The following MIGA2 variants were observed in gnomAD, a reference collection of about 807,000 sequenced individuals.
MIGA2 encodes the protein family with sequence similarity 73, member B.
Under a neutral mutation model 69.9 loss-of-function variants are expected in MIGA2, and 36 were observed. That is an observed-to-expected ratio of 0.52 (90% confidence interval 0.39 to 0.68). MIGA2 has a LOEUF of 0.68. MIGA2 is among the 30% of genes least tolerant of loss of function. The pLI is 0.00. For synonymous variants in MIGA2, 333 were observed against 349.2 expected, an observed-to-expected ratio of 0.95 and a Z score of 0.52; for missense variants, 660 against 787.7, an observed-to-expected ratio of 0.84 and a Z score of 1.94.
Position 129,067,645 on chromosome 9 carries a change from A to C in MIGA2, c.1171-128A>C, listed in dbSNP as rs377031565. 7.6e-6 allele frequency: 6 copies of C among 786,742 alleles called. No homozygotes were observed. In the African/African-American group the frequency reaches 1.0e-4, roughly 14 times the overall value. The allele number at this position is 786,742 out of a possible 1,614,324, so 48.7% of individuals were successfully genotyped here. A position where few individuals can be genotyped will look rare whatever the true frequency, so the allele number is the denominator to read the frequency against. The stretch of plus-strand genomic sequence containing the variant: ...GCTGAGTAGGAGACACTTCTCTGCC[A>C]CGTTTTCTCTGTGCCTGCTGCGTGG... On this transcript the variant is annotated intron_variant, in intron 11 of 15. Coordinates refer to ENST00000684074, the MANE Select transcript of MIGA2 (RefSeq NM_001329990.2).
Position 129,068,030 on chromosome 9 carries a change from G to C in MIGA2, c.1269+159G>C, listed in dbSNP as rs772855217. 1 of 1,261,406 alleles carries C rather than the reference G, an allele frequency of 7.9e-7. No homozygotes were observed. The highest frequency in any genetic ancestry group is 1.1e-6 in the Non-Finnish European group (1 of 885,896). The allele number at this position is 1,261,406 out of a possible 1,614,324, so 78.1% of individuals were successfully genotyped here. ...CTGCCCTGCCCCAGGCCAAGGCAGAGGGAGGAATGGCCTCAGCTACACCCG... is the reference window on the plus strand; with the variant it reads ...CTGCCCTGCCCCAGGCCAAGGCAGACGGAGGAATGGCCTCAGCTACACCCG... On this transcript the variant is annotated intron_variant, in intron 12 of 15. Coordinates refer to ENST00000684074, the MANE Select transcript of MIGA2 (RefSeq NM_001329990.2). The surrounding 1 kb of genome is among the most constrained non-coding windows in gnomAD (Gnocchi z 4.1).
chr9:129,042,980 G>A (rs111490330), intron 3 of MIGA2, among the ~76,000 whole-genome samples: 1 of 152,158 alleles, frequency 6.6e-6, no homozygotes, highest in Non-Finnish European at 1.5e-5. Context: ...AGATCACAAG[G>A]TTAGGAGATC....
chr9:129,071,697 A>G lies in MIGA2; in HGVS notation c.*1244A>G, dbSNP rs1846688052. On this transcript the variant is annotated 3_prime_UTR_variant, in exon 16 of 16. Coordinates refer to ENST00000684074, the MANE Select transcript of MIGA2 (RefSeq NM_001329990.2). ...GAGGAGATGATGCTGGGTGTGGCCC[A>G]TCTTCTGTGGGCCCCTTCCCAGACA... is the stretch of plus-strand genomic sequence containing the variant. 1 of 151,814 alleles carries G rather than the reference A, an allele frequency of 6.6e-6. No individual in the cohort carries two copies. Among genetic ancestry groups the G allele is most frequent in the Non-Finnish European group, 1.5e-5 (1 of 67,934 alleles). 9.4% of individuals were successfully genotyped at this position (151,814 alleles called of 1,614,324 possible).
At chr9:129,047,736 G>A (rs1385537570) in intron 3 of MIGA2, among the ~76,000 whole-genome samples, 2 of 151,392 alleles carry the variant, frequency 1.3e-5, no homozygotes, top group Non-Finnish European at 2.9e-5. Flanking sequence ...ATATATATAT[G>A]TATATATATT....
chr9:129,047,486 C>T (rs1845289408), intron 3 of MIGA2, among the ~76,000 whole-genome samples: 1 of 151,914 alleles, frequency 6.6e-6, no homozygotes. Flanking sequence ...AGTCTTGGCT[C>T]ACTGCAACCT....
At position 129,040,495 on chromosome 9, in the gene MIGA2, G is replaced by T; in HGVS notation, c.-100G>T. ...TGGTATGTGTGTCCCTGTCCTTCTG[G>T]GGCGTGGATGGTGCCTGGGACCCAG... On this transcript the variant is annotated 5_prime_UTR_variant, in exon 2 of 16. Transcript: ENST00000684074. The T allele has an allele frequency of 6.8e-7, 1 of 1,475,962 alleles. No homozygotes were observed. The highest frequency in any genetic ancestry group is 2.5e-5 in the East Asian group (1 of 40,676). The allele number at this position is 1,475,962 out of a possible 1,614,324, so 91.4% of individuals were successfully genotyped here.
intron 6 of MIGA2, among the ~76,000 whole-genome samples, chr9:129,054,465 A>G (rs1213472543): frequency 6.6e-6 from 1 of 151,764 alleles, no homozygotes; most frequent in Non-Finnish European, 1.5e-5. Context: ...CTCAACAACA[A>G]CAAAGAAACA....
At chr9:129,045,319 G>A (rs1237150883) in intron 3 of MIGA2, among the ~76,000 whole-genome samples, 5 of 151,174 alleles carry the variant, frequency 3.3e-5, no homozygotes, top group Admixed American at 1.3e-4. Context: ...GTGCATGCCT[G>A]TAATCCCAGC....
chr9:129,045,199 T>G (rs1845151590), intron 3 of MIGA2, among the ~76,000 whole-genome samples: 1 of 150,724 alleles, frequency 6.6e-6, no homozygotes, highest in Non-Finnish European at 1.5e-5. Context: ...TTCAGCACTT[T>G]GAGAGGCTGA....
In MIGA2 at chr9:129,062,994, G is replaced by A. The variant is rs76088658; in HGVS notation, c.1011-250G>A. Among the ~76,000 whole-genome samples, 9 of 152,320 alleles carry A rather than the reference G, an allele frequency of 5.9e-5. No individual in the cohort carries two copies. The South Asian group carries it at 1.9e-3, about 32-fold the overall frequency. The stretch of plus-strand genomic sequence containing the variant: ...GCTGGTTGTGGCCTAAGGAGGCCTC[G>A]GTCATCTCTGTACCCGGTGCCTGAG... On this transcript the variant is annotated intron_variant, in intron 9 of 15. Coordinates refer to ENST00000684074, the MANE Select transcript of MIGA2 (RefSeq NM_001329990.2).
chr9:129,070,142 G>C, intron 15 of MIGA2, 105 bp from the exon 16 acceptor site: 1 of 1,382,938 alleles, frequency 7.2e-7, no homozygotes, highest in South Asian at 1.3e-5. Flanking sequence ...GGATGGAAAG[G>C]ACCGGCTGGG....
chr9:129,046,817 TG>T lies in MIGA2; in HGVS notation c.308-1609del, dbSNP rs1845249160. On this transcript the variant is annotated intron_variant, in intron 3 of 15. Coordinates refer to ENST00000684074, the MANE Select transcript of MIGA2 (RefSeq NM_001329990.2). ...TTTTTTTGAGACAGTCTCACTCTGT[TG>T]CCCAGGTTGGAATGCAGTGGCACAA... 2.6e-5 allele frequency among the ~76,000 whole-genome samples: 4 copies of T among 151,958 alleles called. No individual in the cohort carries two copies. In the South Asian group the frequency reaches 8.3e-4, roughly 32 times the overall value.
rs1217613962 is a variant in MIGA2, at chr9:129,044,881, G to A, written c.307+2367G>A. 2.6e-5 allele frequency among the ~76,000 whole-genome samples: 4 copies of A among 151,808 alleles called. No homozygotes were observed. The East Asian group carries it at 7.8e-4, about 30-fold the overall frequency. ...GCTGGGGTTATGGGTGTGAGCCGCC[G>A]TGCCCAGCTGAAACTTGTTTTAAGA... On this transcript the variant is annotated intron_variant, in intron 3 of 15. Coordinates refer to ENST00000684074, the MANE Select transcript of MIGA2 (RefSeq NM_001329990.2).
At chr9:129,067,135 CAAAAAAAAAA>C (rs774512522) in intron 11 of MIGA2, among the ~76,000 whole-genome samples, 1 of 52,016 alleles carries the variant, frequency 1.9e-5, no homozygotes, top group Non-Finnish European at 3.9e-5. Context: ...GACTCCATCT[CAAAAAAAAAA>C]AAAAAAAAAA....
Position 129,068,167 on chromosome 9 carries a change from T to G in MIGA2, c.1270-31T>G. 6.2e-7 allele frequency: 1 copy of G among 1,613,486 alleles called. No individual in the cohort carries two copies. The highest frequency in any genetic ancestry group is 2.2e-5 in the East Asian group (1 of 44,882). On this transcript the variant is annotated intron_variant, in intron 12 of 15. Coordinates refer to ENST00000684074, the MANE Select transcript of MIGA2 (RefSeq NM_001329990.2). The surrounding 1 kb of genome is among the most constrained non-coding windows in gnomAD (Gnocchi z 4.1). The stretch of plus-strand genomic sequence containing the variant: ...CCCCGAGGCTCCGGCAGTGCCCCCA[T>G]GCATGAGCCTCCCGGGGGCACCCTC...
chr9:129,055,781 G>A (rs1413627780), intron 6 of MIGA2, among the ~76,000 whole-genome samples: 3 of 150,492 alleles, frequency 2.0e-5, no homozygotes, highest in East Asian at 2.0e-4. Flanking sequence ...CCTGGGAGGC[G>A]GAGCCTGCAG....
intron 6 of MIGA2, among the ~76,000 whole-genome samples, chr9:129,058,246 C>T (rs909282653): frequency 6.6e-6 from 1 of 151,670 alleles, no homozygotes; most frequent in African/African-American, 2.4e-5. Flanking sequence ...AAGATATATA[C>T]AGAAGTTAGC....
intron 6 of MIGA2, among the ~76,000 whole-genome samples, chr9:129,058,262 A>G (rs562186038): frequency 8.6e-5 from 13 of 151,938 alleles, no homozygotes; most frequent in Admixed American, 2.6e-4. Flanking sequence ...TTAGCCAGGT[A>G]TGGTGATGTA....
intron 6 of MIGA2, among the ~76,000 whole-genome samples, chr9:129,057,107 A>C (rs147063158): frequency 3.2e-4 from 48 of 152,096 alleles, no homozygotes; most frequent in Admixed American, 2.4e-3. Context: ...GAGTTAGTCT[A>C]TACCTTCCTG....
Sources: gnomAD v4.1 joint callset for allele counts (sites outside exome capture counted in the v4.1 genomes callset) on GRCh38, gnomAD v4.1.1 for gene constraint, Gnocchi (gnomAD v3.1) non-coding constraint, MANE v1.5 for transcripts, NCBI Gene and HGNC (gene_info 2026-07-23, HGNC 2026-07-21) for gene names.